GRIK5: variants seen among roughly 807,000 people sequenced by gnomAD.
GRIK5 encodes the protein glutamate ionotropic receptor kainate type subunit 5.
In GRIK5, 43 loss-of-function variants were observed where a neutral mutation model predicts 97.4. That is an observed-to-expected ratio of 0.44 (90% confidence interval 0.35 to 0.57). The LOEUF (loss-of-function observed/expected upper bound fraction) is 0.57, where lower values mean the gene tolerates loss of function less well. GRIK5 is among the 20% of genes least tolerant of loss of function. The pLI, the probability that GRIK5 is intolerant of heterozygous loss-of-function variation, is 0.01. For missense variants in GRIK5, 1,015 were observed against 1,382.0 expected (o/e 0.73, Z 4.21); for synonymous variants, 580 against 583.5 (o/e 0.99, Z 0.09).
At position 42,003,969 on chromosome 19, in the gene GRIK5, G is replaced by A. The variant is rs1475703668; in HGVS notation, c.2264-286C>T. On this transcript the variant is annotated intron_variant, in intron 17 of 19. Transcript: ENST00000593562. The surrounding 1 kb of genome is among the most constrained non-coding windows in gnomAD (Gnocchi z 4.2). The stretch of plus-strand genomic sequence containing the variant: ...CACTCTCAGACACCCTCACCCCCAC[G>A]GCTCTCAGCTCCAGCCTCATCAGCC... Among the ~76,000 whole-genome samples the A allele has an allele frequency of 2.0e-5, 3 of 152,066 alleles. No individual in the cohort carries two copies. The highest frequency in any genetic ancestry group is 7.2e-5 in the African/African-American group (3 of 41,388).
Position 42,054,484 on chromosome 19 carries a change from CA to C in GRIK5, c.904-13del, listed in dbSNP as rs772607430. On this transcript the variant is annotated splice_polypyrimidine_tract_variant and intron_variant, in intron 8 of 19. Coordinates refer to ENST00000593562, the MANE Select transcript of GRIK5 (RefSeq NM_002088.5). ...AGGGCGGCTGACAGCTGCGGTGGGA[CA>C]GAGGCGGGGGTGGGATGGATAAGAG... 8.1e-6 allele frequency: 13 copies of C among 1,610,376 alleles called. No individual in the cohort carries two copies. The highest frequency in any genetic ancestry group is 1.1e-5 in the Non-Finnish European group (13 of 1,179,118).
At chr19:42,053,359 G>C (rs2076140501) in intron 11 of GRIK5, among the ~76,000 whole-genome samples, 1 of 152,244 alleles carries the variant, frequency 6.6e-6, no homozygotes, top group Non-Finnish European at 1.5e-5. Flanking sequence ...GGATTGACCA[G>C]AGCCAGATAC....
chr19:42,056,840 G>A lies in GRIK5; in HGVS notation c.742-17C>T. On this transcript the variant is annotated splice_polypyrimidine_tract_variant and intron_variant, in intron 7 of 19. Coordinates refer to ENST00000593562, the MANE Select transcript of GRIK5 (RefSeq NM_002088.5). ...GGGGAAGTCCTGGGACCAGGAAGAG[G>A]TGGTGAGGCCTGGGGCTAAGCCCTA... 6.2e-7 allele frequency: 1 copy of A among 1,614,116 alleles called. No individual in the cohort carries two copies. Among genetic ancestry groups the A allele is most frequent in the African/African-American group, 1.3e-5 (1 of 75,040 alleles).
intron 15 of GRIK5, among the ~76,000 whole-genome samples, chr19:42,011,451 G>A (rs1201492250): frequency 6.6e-6 from 1 of 151,682 alleles, no homozygotes; most frequent in Non-Finnish European, 1.5e-5. Context: ...TACTCGGGAG[G>A]CTGAGGCAGA....
Position 42,050,477 on chromosome 19 carries a change from G to A in GRIK5, c.1269+3125C>T, listed in dbSNP as rs138064637. ...GATCAAGACCATCCTGGCTAACACG[G>A]TGAAACCCCGTCTCTACTAAAAATA... On this transcript the variant is annotated intron_variant, in intron 11 of 19. Coordinates refer to ENST00000593562, the MANE Select transcript of GRIK5 (RefSeq NM_002088.5). Among the ~76,000 whole-genome samples the A allele has an allele frequency of 2.8e-3, 419 of 151,834 alleles. 2 individuals are homozygous for A. Among genetic ancestry groups the A allele is most frequent in the Middle Eastern group, 0.014 (4 of 294 alleles).
intron 6 of GRIK5, among the ~76,000 whole-genome samples, chr19:42,058,470 T>C (rs1485991659): frequency 6.7e-6 from 1 of 148,630 alleles, no homozygotes; most frequent in Non-Finnish European, 1.5e-5. Flanking sequence ...CATGAGCCAC[T>C]GCACTTGGCT....
At position 42,065,678 on chromosome 19, in the gene GRIK5, C is replaced by T. The variant is rs774052622; in HGVS notation, c.79+14G>A. On this transcript the variant is annotated intron_variant, in intron 2 of 19. Transcript: ENST00000593562. The surrounding 1 kb of genome is among the most constrained non-coding windows in gnomAD (Gnocchi z 5.8). ...GGCCTGAGGATGCAGGGGCAGGGTGCGGGAGGGCCTCACCCATGCGCAGTG... is the reference window on the plus strand; with the variant it reads ...GGCCTGAGGATGCAGGGGCAGGGTGTGGGAGGGCCTCACCCATGCGCAGTG... 8.3e-6 allele frequency: 13 copies of T among 1,560,144 alleles called. No individual in the cohort carries two copies. Among genetic ancestry groups the T allele is most frequent in the African/African-American group, 1.4e-5 (1 of 73,412 alleles).
At chr19:42,068,677 G>A in intron 1 of GRIK5, 1 of 438,646 alleles carries the variant, frequency 2.3e-6, no homozygotes, top group Non-Finnish European at 4.1e-6. Context: ...CCAGGGTGGA[G>A]GAGTTCTGAC....
intron 12 of GRIK5, among the ~76,000 whole-genome samples, chr19:42,025,188 G>T (rs1390509654): frequency 6.6e-6 from 1 of 152,116 alleles, no homozygotes; most frequent in Admixed American, 6.5e-5. Flanking sequence ...ACCCCATGCA[G>T]CCACTGTCCC....
At position 42,056,525 on chromosome 19, in the gene GRIK5, T is replaced by TGCATCACAAGGCC. The variant is rs551182725; in HGVS notation, c.903+124_903+136dup. On this transcript the variant is annotated intron_variant, in intron 8 of 19. Coordinates refer to ENST00000593562, the MANE Select transcript of GRIK5 (RefSeq NM_002088.5). ...GAGAGAGAGGAGGACATGGGTCCAA[T>TGCATCACAAGGCC]GCATCACAAGGCCACACCACGAGGC... is the stretch of plus-strand genomic sequence containing the variant. 2.5e-5 allele frequency: 17 copies of TGCATCACAAGGCC among 681,580 alleles called. No homozygotes were observed. The East Asian group carries it at 4.5e-4, about 18-fold the overall frequency. The allele number at this position is 681,580 out of a possible 1,614,324, so 42.2% of individuals were successfully genotyped here.
chr19:42,039,841 A>AT (rs2075956872), intron 12 of GRIK5, among the ~76,000 whole-genome samples: 1 of 151,980 alleles, frequency 6.6e-6, no homozygotes, highest in Non-Finnish European at 1.5e-5. Flanking sequence ...TTACCTAGGC[A>AT]TTATGGCATA....
rs2075438587 is a variant in GRIK5, at chr19:42,002,773, TC to T, written c.2514+558del. On this transcript the variant is annotated intron_variant, in intron 19 of 19. Coordinates refer to ENST00000593562, the MANE Select transcript of GRIK5 (RefSeq NM_002088.5). This position sits in a 1 kb window ranked among gnomAD's most constrained non-coding sequence, Gnocchi z 5.2. ...CTGTGTCCTCTTCTGGTTCCCTCTG[TC>T]ACCCAGGCTGGAGTGCAGTGGTGCA... is the stretch of plus-strand genomic sequence containing the variant. Among the ~76,000 whole-genome samples, 1 of 152,264 alleles carries T rather than the reference TC, an allele frequency of 6.6e-6. No homozygotes were observed. The highest frequency in any genetic ancestry group is 6.5e-5 in the Admixed American group (1 of 15,302).
Position 42,021,941 on chromosome 19 carries a change from A to G in GRIK5, c.1697+6T>C. The G allele has an allele frequency of 6.3e-7, 1 of 1,598,028 alleles. No individual in the cohort carries two copies. Among genetic ancestry groups the G allele is most frequent in the East Asian group, 2.2e-5 (1 of 44,584 alleles). ...CCCCTTCCTTCCCAGTAGGCAGTGGACTCACCTGGCAGCCAGAAACAGGAC... is the reference window on the plus strand; with the variant it reads ...CCCCTTCCTTCCCAGTAGGCAGTGGGCTCACCTGGCAGCCAGAAACAGGAC... On this transcript the variant is annotated splice_donor_region_variant and intron_variant, in intron 14 of 19. Transcript: ENST00000593562. The surrounding 1 kb of genome is among the most constrained non-coding windows in gnomAD (Gnocchi z 4.2).
At chr19:42,039,073 G>T (rs992339100) in intron 12 of GRIK5, among the ~76,000 whole-genome samples, 10 of 152,100 alleles carry the variant, frequency 6.6e-5, no homozygotes, top group African/African-American at 2.2e-4. Context: ...TAGCTCTGAC[G>T]TTCTCCCGCC....
At chr19:42,015,339 G>A (rs187925272) in intron 15 of GRIK5, among the ~76,000 whole-genome samples, 1 of 152,274 alleles carries the variant, frequency 6.6e-6, no homozygotes, top group East Asian at 1.9e-4. Flanking sequence ...ACCACCAACA[G>A]CAGAAACACA....
In GRIK5 at chr19:42,006,619, C is replaced by T. The variant is rs541526898; in HGVS notation, c.2037+26G>A. ...TTGCATGGCAGGGATCCCAACACCACGCCTGAGAGGTTCTGGTGGCCCCAC... is the reference window on the plus strand; with the variant it reads ...TTGCATGGCAGGGATCCCAACACCATGCCTGAGAGGTTCTGGTGGCCCCAC... On this transcript the variant is annotated intron_variant, in intron 16 of 19. Transcript: ENST00000593562. This position sits in a 1 kb window ranked among gnomAD's most constrained non-coding sequence, Gnocchi z 5.3. 45 of 1,607,748 alleles carry T rather than the reference C, an allele frequency of 2.8e-5. No homozygotes were observed. The highest frequency in any genetic ancestry group is 3.4e-5 in the Non-Finnish European group (40 of 1,175,000).
intron 12 of GRIK5, among the ~76,000 whole-genome samples, chr19:42,027,118 A>T (rs1474290088): frequency 6.6e-6 from 1 of 152,110 alleles, no homozygotes; most frequent in Admixed American, 6.6e-5. Flanking sequence ...CTGCCTGACA[A>T]ATATTTGTAT....
At position 42,042,590 on chromosome 19, in the gene GRIK5, C is replaced by T; in HGVS notation, c.1435G>A (p.Gly479Ser). The change falls in exon 12 of 20, where the codon GGC becomes AGC. Residue 479 changes from glycine to serine, a missense_variant. Gly to Ser is a moderately conservative substitution (Grantham distance 56). Transcript: ENST00000593562. The surrounding 1 kb of genome is among the most constrained non-coding windows in gnomAD (Gnocchi z 6.9). ...TCGCCAACCATGCCCGTCCAGGAGC[C>T]GTTGGGCTCGGGCGCCCCGTACAGC... The part of the protein sequence containing the change: ...DGLYGAPEPN[G>S]SWTGMVGELI... 2 of 1,612,126 alleles carry T rather than the reference C, an allele frequency of 1.2e-6. No individual in the cohort carries two copies. The highest frequency in any genetic ancestry group is 1.7e-6 in the Non-Finnish European group (2 of 1,179,836).
intron 15 of GRIK5, among the ~76,000 whole-genome samples, chr19:42,010,536 A>G (rs2075549135): frequency 6.6e-6 from 1 of 152,240 alleles, no homozygotes; most frequent in South Asian, 2.1e-4. Context: ...AGAAAAATCA[A>G]AACAAACTGT....
Sources: gnomAD v4.1 joint callset for allele counts (sites outside exome capture counted in the v4.1 genomes callset) on GRCh38, gnomAD v4.1.1 for gene constraint, Gnocchi (gnomAD v3.1) non-coding constraint, MANE v1.5 for transcripts, NCBI Gene and HGNC (gene_info 2026-07-23, HGNC 2026-07-21) for gene names.